Variants in AFAP1 observed in about 807,000 individuals in gnomAD.
The protein encoded by AFAP1 is actin filament associated protein 1.
AFAP1 carries 75 observed loss-of-function variants against 93.9 expected under a neutral mutation model. The observed-to-expected ratio is 0.80, with a 90% CI of 0.66 to 0.97. AFAP1 has a LOEUF of 0.97. Ranked by LOEUF, AFAP1 falls within the 50% of genes least tolerant of loss-of-function variation. AFAP1 has a pLI of 0.00. For missense variants in AFAP1, 1,201 were observed against 1,050.8 expected, an observed-to-expected ratio of 1.14 and a Z score of -1.98; for synonymous variants, 517 against 430.7, an observed-to-expected ratio of 1.20 and a Z score of -2.48.
intron 1 of AFAP1, among the ~76,000 whole-genome samples, chr4:7,935,516 G>C (rs1577372862): frequency 6.6e-6 from 1 of 152,280 alleles, no homozygotes; most frequent in African/African-American, 2.4e-5. Flanking sequence ...CAGGTGACAT[G>C]GGAGAGAGAG....
intron 3 of AFAP1, among the ~76,000 whole-genome samples, chr4:7,866,089 G>T (rs1320410458): frequency 6.6e-5 from 10 of 151,972 alleles, no homozygotes; most frequent in Non-Finnish European, 1.5e-4. Context: ...AGAGACGGGG[G>T]TTTCACCATG....
chr4:7,936,694 GCCTCAGCTTC>G (rs1365479271), intron 1 of AFAP1, among the ~76,000 whole-genome samples: 1 of 150,508 alleles, frequency 6.6e-6, no homozygotes, highest in Non-Finnish European at 1.5e-5. Flanking sequence ...TAATTCTCCT[GCCTCAGCTTC>G]CCGAGTAGCT....
At chr4:7,937,226 C>G in intron 1 of AFAP1, among the ~76,000 whole-genome samples, 1 of 152,090 alleles carries the variant, frequency 6.6e-6, no homozygotes, top group African/African-American at 2.4e-5. Flanking sequence ...ACATGTAACT[C>G]AACTTGTTTA....
intron 1 of AFAP1, among the ~76,000 whole-genome samples, chr4:7,895,237 G>A (rs1371752670): frequency 6.6e-6 from 1 of 152,230 alleles, no homozygotes; most frequent in Admixed American, 6.5e-5. Flanking sequence ...ACAGTGCTGT[G>A]CTACCTCACC....
intron 6 of AFAP1, among the ~76,000 whole-genome samples, chr4:7,825,570 G>C (rs1031719459): frequency 6.6e-6 from 1 of 151,802 alleles, no homozygotes; most frequent in African/African-American, 2.4e-5. Context: ...ATATCAAAAC[G>C]TAGAGGGTGC....
chr4:7,904,269 T>C (rs561702276), intron 1 of AFAP1, among the ~76,000 whole-genome samples: 1 of 152,086 alleles, frequency 6.6e-6, no homozygotes, highest in South Asian at 2.1e-4. Context: ...TCCCATAGCG[T>C]TTAAAGAAAC....
intron 16 of AFAP1, among the ~76,000 whole-genome samples, chr4:7,770,873 G>GGA (rs1263917870): frequency 6.6e-6 from 1 of 152,182 alleles, no homozygotes; most frequent in Non-Finnish European, 1.5e-5. Context: ...GATCACAGAG[G>GGA]GAGGGGCACA....
intron 17 of AFAP1, among the ~76,000 whole-genome samples, chr4:7,764,279 G>C (rs751148062): frequency 6.6e-6 from 1 of 152,244 alleles, no homozygotes; most frequent in Non-Finnish European, 1.5e-5. Flanking sequence ...AGTGGCTCAC[G>C]CCTGGAATCC....
intron 3 of AFAP1, among the ~76,000 whole-genome samples, chr4:7,863,828 C>A (rs147708135): frequency 2.0e-5 from 3 of 152,332 alleles, no homozygotes; most frequent in African/African-American, 7.2e-5. Context: ...ATATTCAATT[C>A]ATGCCACAAA....
intron 13 of AFAP1, among the ~76,000 whole-genome samples, chr4:7,780,161 A>C (rs142531349): frequency 1.3e-5 from 2 of 152,346 alleles, no homozygotes; most frequent in Non-Finnish European, 2.9e-5. Context: ...ACTTTTTGGC[A>C]TAAGTCCTCA....
chr4:7,803,937 C>T (rs557896560), intron 9 of AFAP1, among the ~76,000 whole-genome samples: 6 of 152,278 alleles, frequency 3.9e-5, no homozygotes, highest in Admixed American at 2.0e-4. Flanking sequence ...CTGTTTTCAG[C>T]GACTGCCCCT....
intron 8 of AFAP1, among the ~76,000 whole-genome samples, chr4:7,815,611 G>C (rs1405184040): frequency 6.6e-6 from 1 of 152,182 alleles, no homozygotes; most frequent in Non-Finnish European, 1.5e-5. Context: ...GCTTGAATGG[G>C]AAAGTGGGTT....
intron 6 of AFAP1, among the ~76,000 whole-genome samples, chr4:7,834,076 T>C (rs889449656): frequency 1.5e-5 from 2 of 130,260 alleles, no homozygotes; most frequent in Non-Finnish European, 3.2e-5. Flanking sequence ...AACAAGTTGA[T>C]AAAGAAACTG....
intron 5 of AFAP1, among the ~76,000 whole-genome samples, chr4:7,838,970 A>G (rs1368100734): frequency 6.6e-6 from 1 of 152,138 alleles, no homozygotes; most frequent in Non-Finnish European, 1.5e-5. Context: ...CAAACACCAA[A>G]AGTCCCTACT....
intron 3 of AFAP1, among the ~76,000 whole-genome samples, chr4:7,861,131 A>G (rs1715630648): frequency 6.6e-6 from 1 of 152,214 alleles, no homozygotes; most frequent in Non-Finnish European, 1.5e-5. Flanking sequence ...ACACCTCCAG[A>G]TTCTGTTTTT....
At chr4:7,856,235 C>T (rs1463201010) in intron 3 of AFAP1, among the ~76,000 whole-genome samples, 3 of 150,004 alleles carry the variant, frequency 2.0e-5, no homozygotes, top group Non-Finnish European at 2.9e-5. Flanking sequence ...CTTATTAAAA[C>T]CAATCATGTC....
intron 12 of AFAP1, among the ~76,000 whole-genome samples, chr4:7,785,658 C>T (rs1717191750): frequency 1.3e-5 from 2 of 152,196 alleles, no homozygotes; most frequent in African/African-American, 2.4e-5. Context: ...GACATTAGGC[C>T]AGGCACAGTG....
intron 11 of AFAP1, among the ~76,000 whole-genome samples, chr4:7,788,017 C>T (rs1156414475): frequency 1.3e-5 from 2 of 152,210 alleles, no homozygotes; most frequent in African/African-American, 2.4e-5. Context: ...CCTCCGGGCC[C>T]AGGGCAACCG....
intron 14 of AFAP1, 36 bp downstream of exon 14, chr4:7,778,726 G>C (rs770027481): frequency 1.3e-6 from 2 of 1,596,678 alleles, no homozygotes; most frequent in East Asian, 4.5e-5. Flanking sequence ...AAGTGCACTT[G>C]AAGCCGGAAT....
Sources: gnomAD v4.1 joint callset for allele counts (sites outside exome capture counted in the v4.1 genomes callset) on GRCh38, gnomAD v4.1.1 for gene constraint, MANE v1.5 for transcripts, NCBI Gene and HGNC (gene_info 2026-07-23, HGNC 2026-07-21) for gene names.